Variants in SETX observed in about 807,000 individuals in gnomAD.
The protein encoded by SETX is senataxin, also known as helicase senataxin.
SETX carries 90 observed loss-of-function variants against 227.2 expected under a neutral mutation model. The ratio of observed to expected loss-of-function variants is 0.40; its 90% confidence interval spans 0.33 to 0.47. The LOEUF (loss-of-function observed/expected upper bound fraction) is 0.47. Among genes scored for constraint, SETX ranks in the 20% least tolerant of loss-of-function variants. The probability of loss-of-function intolerance (pLI) is 0.91; values close to 1 mark genes in which losing one functional copy is unlikely to be tolerated. For missense variants in SETX, 3,052 were observed against 3,181.5 expected, an observed-to-expected ratio of 0.96 and a Z score of 0.98; for synonymous variants, 1,210 against 1,113.2, an observed-to-expected ratio of 1.09 and a Z score of -1.73.
At chr9:132,280,100 T>C (rs547496863) in intron 20 of SETX, among the ~76,000 whole-genome samples, 2 of 152,252 alleles carry the variant, frequency 1.3e-5, no homozygotes, top group African/African-American at 2.4e-5. Context: ...ACTCAATATA[T>C]ACATACTGAA....
At chr9:132,299,382 A>G (rs1402894915) in intron 12 of SETX, among the ~76,000 whole-genome samples, 2 of 152,070 alleles carry the variant, frequency 1.3e-5, no homozygotes, top group Non-Finnish European at 2.9e-5. Context: ...CTGCCTTAGA[A>G]CTATAAATTT....
In SETX at chr9:132,327,668, T is replaced by G. The variant is rs1846919205; in HGVS notation, c.3930A>C (p.Leu1310Phe). The change falls in exon 10 of 26, where the codon TTA becomes TTC. Residue 1310 changes from leucine (L) to phenylalanine (F), a missense_variant. Physicochemically the swap from Leu to Phe is conservative, Grantham distance 22 (BLOSUM62 0). Coordinates refer to ENST00000224140, the MANE Select transcript of SETX (RefSeq NM_015046.7). ...CTCCAACAGTTTTGCCATGATCACGTAATTGAGCTACATAATCCAAAGACC... is the reference window on the plus strand; with the variant it reads ...CTCCAACAGTTTTGCCATGATCACGGAATTGAGCTACATAATCCAAAGACC... The part of the protein sequence containing the change: ...SQRSLDYVAQ[L>F]RDHGKTVGVV... 2.5e-6 allele frequency: 4 copies of G among 1,613,754 alleles called. No homozygotes were observed. In the African/African-American group the frequency reaches 4.0e-5, roughly 16 times the overall value.
intron 6 of SETX, 82 bp from the exon 7 acceptor site, chr9:132,334,809 G>A (rs1847488178): frequency 3.4e-6 from 5 of 1,474,914 alleles, no homozygotes; most frequent in African/African-American, 1.4e-5. Context: ...AGAATAACAA[G>A]GCAGGAAGAT....
At position 132,315,782 on chromosome 9, in the gene SETX, T is replaced by TG. The variant is rs1845929929; in HGVS notation, c.5275-3927_5275-3926insC. 2.6e-5 allele frequency among the ~76,000 whole-genome samples: 4 copies of TG among 152,310 alleles called. No homozygotes were observed. In the South Asian group the frequency reaches 8.3e-4, roughly 32 times the overall value. On this transcript the variant is annotated intron_variant, in intron 10 of 25. Coordinates refer to ENST00000224140, the MANE Select transcript of SETX (RefSeq NM_015046.7). ...AGGTAGAGCTAATCCAAATCTCCGGTTCGTGATGCAGTGTCAGGAGTCTAT... is the reference window on the plus strand; with the variant it reads ...AGGTAGAGCTAATCCAAATCTCCGGTGTCGTGATGCAGTGTCAGGAGTCTAT...
intron 11 of SETX, among the ~76,000 whole-genome samples, chr9:132,304,703 G>T (rs1845220119): frequency 6.6e-6 from 1 of 151,686 alleles, no homozygotes; most frequent in Non-Finnish European, 1.5e-5. Flanking sequence ...GGAAGGAAAA[G>T]AATACTGAAT....
At position 132,326,671 on chromosome 9, in the gene SETX, G is replaced by A. The variant is rs1259891746; in HGVS notation, c.4927C>T (p.Leu1643Phe). 3.7e-6 allele frequency: 6 copies of A among 1,614,198 alleles called. No homozygotes were observed. In the South Asian group the frequency reaches 4.4e-5, roughly 12 times the overall value. ...SILKVPQPVP[L>F]IAQKPVGEMK... Reference sequence around the variant, plus strand: ...TCACCAACTGGCTTCTGAGCTATGAGGGGAACTGGCTGTGGTACTTTCAAA... The same window carrying A: ...TCACCAACTGGCTTCTGAGCTATGAAGGGAACTGGCTGTGGTACTTTCAAA... Residue 1643 changes from leucine (L) to phenylalanine (F), a missense_variant, in exon 10 of 26, where the codon CTC becomes TTC. Around this residue, in one of 10 missense-constraint regions of SETX, gnomAD observed 1,483 missense variants for 1,312.0 expected, o/e 1.13. Coordinates refer to ENST00000224140, the MANE Select transcript of SETX (RefSeq NM_015046.7).
chr9:132,311,332 T>C (rs549175706), intron 11 of SETX, among the ~76,000 whole-genome samples: 3 of 152,284 alleles, frequency 2.0e-5, no homozygotes, highest in East Asian at 1.9e-4. Flanking sequence ...AGAGGACTTA[T>C]TCATTTTATT....
Position 132,328,567 on chromosome 9 carries a change from C to T in SETX, c.3031G>A (p.Gly1011Arg), listed in dbSNP as rs1564542862. Residue 1011 changes from glycine (G) to arginine (R), a missense_variant, in exon 10 of 26, where the codon GGA (glycine) becomes AGA (arginine). Transcript: ENST00000224140. The part of the protein sequence containing the change: ...NQNNVGDTSR[G>R]QVIIISDSDD... Reference sequence around the variant, plus strand: ...GAATCTGAAATAATAATAACCTGTCCACGGGAGGTATCTCCAACATTATTT... The same window carrying T: ...GAATCTGAAATAATAATAACCTGTCTACGGGAGGTATCTCCAACATTATTT... 5.0e-6 allele frequency: 8 copies of T among 1,613,988 alleles called. No individual in the cohort carries two copies. Among genetic ancestry groups the T allele is most frequent in the East Asian group, 2.2e-5 (1 of 44,884 alleles).
intron 25 of SETX, among the ~76,000 whole-genome samples, chr9:132,267,303 T>C (rs554570480): frequency 2.3e-4 from 35 of 152,362 alleles, no homozygotes; most frequent in African/African-American, 8.2e-4. Flanking sequence ...CTCAGTTCTC[T>C]TTCTCACTCA....
chr9:132,312,995 A>G (rs1845752960), intron 10 of SETX, among the ~76,000 whole-genome samples: 2 of 152,236 alleles, frequency 1.3e-5, no homozygotes, highest in Admixed American at 1.3e-4. Flanking sequence ...AAGAGACCAC[A>G]TATGTACACT....
intron 12 of SETX, among the ~76,000 whole-genome samples, 171 bp from the exon 13 acceptor site, chr9:132,298,483 C>T (rs1486571941): frequency 6.6e-6 from 1 of 151,996 alleles, no homozygotes; most frequent in South Asian, 2.1e-4. Context: ...TTCTGTCCTC[C>T]GGAGGCTTAT....
chr9:132,354,368 C>T (rs1848772724), intron 1 of SETX, among the ~76,000 whole-genome samples: 1 of 151,730 alleles, frequency 6.6e-6, no homozygotes, highest in African/African-American at 2.4e-5. Context: ...TGGTGACGCG[C>T]GCCTATGGTC....
chr9:132,262,252 A>G lies in SETX; in HGVS notation c.*1987T>C, dbSNP rs1589593075. The G allele has an allele frequency of 6.6e-6, 1 of 152,292 alleles. No individual in the cohort carries two copies. Among genetic ancestry groups the G allele is most frequent in the East Asian group, 1.9e-4 (1 of 5,186 alleles). The allele number at this position is 152,292 out of a possible 1,614,324, so 9.4% of individuals were successfully genotyped here. ...AAAATATGCATTTTAGAGAAAACTT[A>G]TTTCTCAAATCATGTGTTAATAGTA... On this transcript the variant is annotated 3_prime_UTR_variant, in exon 26 of 26. Transcript: ENST00000224140.
chr9:132,311,760 CA>C lies in SETX; in HGVS notation c.5370del (p.Phe1790LeufsTer24), dbSNP rs1845677934. On this transcript the variant is annotated frameshift_variant, in exon 11 of 26. Coordinates refer to ENST00000224140, the MANE Select transcript of SETX (RefSeq NM_015046.7). LOFTEE classifies it high-confidence loss of function. ...AGTTGCGTAAGAAAAAACTTACCTG[CA>C]AACTCCCAGTATTTTATATAATCGG... Reference protein sequence around the residue: ...FPADYIKYWEFAVYLEECELA... With the variant: ...FPADYIKYWEXAVYLEECELA... 2.5e-6 allele frequency: 4 copies of C among 1,608,078 alleles called. No homozygotes were observed. The highest frequency in any genetic ancestry group is 3.4e-6 in the Non-Finnish European group (4 of 1,175,260).
In SETX at chr9:132,329,764, A is replaced by G; in HGVS notation, c.1834T>C (p.Cys612Arg). 1 of 1,614,136 alleles carries G rather than the reference A, an allele frequency of 6.2e-7. No individual in the cohort carries two copies. Residue 612 changes from cysteine (C) to arginine (R), a missense_variant, in exon 10 of 26, where the codon TGT becomes CGT. Transcript: ENST00000224140. ...TTATAAGATGCAGGAGAGATTTTAC[A>G]TGCAGAAGTCAGATCCACAAAAGTG... Reference protein sequence around the residue: ...CNTFVDLTSACKISPASYNKE... With the variant: ...CNTFVDLTSARKISPASYNKE...
rs1297836063 is a variant in SETX at position 132,281,486 on chromosome 9, G to C, written c.6635C>G (p.Pro2212Arg). The change falls in exon 20 of 26, where the codon CCT becomes CGT. Residue 2212 changes from proline (P) to arginine (R), a missense_variant. This residue lies in a region of SETX where 412 missense variants were observed against 589.0 expected (regional missense o/e 0.70). Coordinates refer to ENST00000224140, the MANE Select transcript of SETX (RefSeq NM_015046.7). ...ACTTACCATAGAGATGACTGTCGGA[G>C]GGAGCTGCTTAGGATCTCCTACTAG... ...LILVGDPKQL[P>R]PTVISMKAQE... The C allele has an allele frequency of 4.3e-6, 7 of 1,613,196 alleles. No homozygotes were observed. In the South Asian group the frequency reaches 5.5e-5, roughly 13 times the overall value.
In SETX at chr9:132,328,510, G is replaced by A; in HGVS notation, c.3088C>T (p.Leu1030Phe). ...TTGTCCTGTTTAGTGAGTTTCTCAA[G>A]ACTCAGGATTCTTTCATCATCATCA... ...DDDDDERILS[L>F]EKLTKQDKIC... is the part of the protein sequence containing the mutation. The change falls in exon 10 of 26, where the codon CTT becomes TTT. Residue 1030 changes from leucine to phenylalanine, a missense_variant. By Grantham distance (22) the Leu-to-Phe change is conservative. Transcript: ENST00000224140. 1 of 1,613,880 alleles carries A rather than the reference G, an allele frequency of 6.2e-7. No individual in the cohort carries two copies. Among genetic ancestry groups the A allele is most frequent in the Non-Finnish European group, 8.5e-7 (1 of 1,180,004 alleles).
intron 11 of SETX, among the ~76,000 whole-genome samples, chr9:132,310,155 A>G (rs945359314): frequency 6.6e-6 from 1 of 152,210 alleles, no homozygotes; most frequent in Non-Finnish European, 1.5e-5. Flanking sequence ...CAGCTACTAA[A>G]TATGTGAAAA....
intron 15 of SETX, among the ~76,000 whole-genome samples, chr9:132,289,619 T>C (rs962496059): frequency 1.3e-5 from 2 of 152,202 alleles, no homozygotes; most frequent in African/African-American, 4.8e-5. Flanking sequence ...TATATATTAA[T>C]ATGTAATTTT....
Sources: gnomAD v4.1 joint callset for allele counts (sites outside exome capture counted in the v4.1 genomes callset) on GRCh38, gnomAD v4.1.1 for gene constraint, gnomAD v4.1.1 regional missense constraint, MANE v1.5 for transcripts, NCBI Gene and HGNC (gene_info 2026-07-23, HGNC 2026-07-21) for gene names.